The following DOCK3 variants were observed in gnomAD, a reference collection of about 807,000 sequenced individuals.
The protein encoded by DOCK3 is dedicator of cytokinesis protein 3.
DOCK3 carries 60 observed loss-of-function variants against 265.6 expected under a neutral mutation model. The observed-to-expected ratio is 0.23, with a 90% CI of 0.18 to 0.28. DOCK3 has a LOEUF of 0.28. DOCK3 is among the 10% of genes least tolerant of loss of function. The probability of loss-of-function intolerance (pLI) is 1.00; values close to 1 mark genes in which losing one functional copy is unlikely to be tolerated. For missense variants in DOCK3, 1,981 were observed against 2,594.3 expected (o/e 0.76, Z 5.14); for synonymous variants, 881 against 938.0 (o/e 0.94, Z 1.11).
chr3:51,111,293 C>G (rs996703134), intron 9 of DOCK3, among the ~76,000 whole-genome samples: 2 of 151,994 alleles, frequency 1.3e-5, no homozygotes, highest in East Asian at 3.9e-4. Flanking sequence ...CATCATGCTA[C>G]TCTACTTTGT....
chr3:51,129,945 T>G (rs2084445225), intron 9 of DOCK3, among the ~76,000 whole-genome samples: 1 of 152,180 alleles, frequency 6.6e-6, no homozygotes, highest in Admixed American at 6.5e-5. Context: ...TGTGCCGGAG[T>G]AACACACCCA....
intron 12 of DOCK3, among the ~76,000 whole-genome samples, chr3:51,204,011 A>T (rs2088996314): frequency 6.6e-6 from 1 of 151,820 alleles, no homozygotes; most frequent in Admixed American, 6.6e-5. Flanking sequence ...TACAAAAATC[A>T]ATTCAAGATG....
chr3:51,038,239 T>A (rs975603626), intron 5 of DOCK3, among the ~76,000 whole-genome samples: 2 of 152,178 alleles, frequency 1.3e-5, no homozygotes, highest in African/African-American at 2.4e-5. Context: ...GTATAGGGTA[T>A]ATATGGTAGG....
intron 3 of DOCK3, among the ~76,000 whole-genome samples, chr3:50,872,410 C>T (rs138409630): frequency 1 from 152,333 of 152,376 alleles, 76,146 homozygotes; most frequent in Middle Eastern, 1. Flanking sequence ...CTCTCTGTTT[C>T]GAGTCACCTG....
At chr3:51,264,933 T>C (rs971849058) in intron 23 of DOCK3, among the ~76,000 whole-genome samples, 6 of 151,764 alleles carry the variant, frequency 4.0e-5, no homozygotes, top group African/African-American at 1.5e-4. Context: ...TTGAAAAGAT[T>C]AACAAAATAG....
rs35307667 is a variant in DOCK3, at chr3:51,307,832, C to T, written c.2923-2400C>T. Among the ~76,000 whole-genome samples the T allele has an allele frequency of 2.5e-3, 373 of 151,066 alleles. 1 individual carries two copies. The highest frequency in any genetic ancestry group is 4.2e-3 in the Non-Finnish European group (285 of 67,890). On this transcript the variant is annotated intron_variant, in intron 27 of 52. Transcript: ENST00000266037. Reference sequence around the variant, plus strand: ...TTTTTTAGCCATTCTCTGGTTTGCCCGAAATGACATGGCTGCTTCATGCAG... The same window carrying T: ...TTTTTTAGCCATTCTCTGGTTTGCCTGAAATGACATGGCTGCTTCATGCAG...
intron 3 of DOCK3, among the ~76,000 whole-genome samples, chr3:50,883,315 C>G (rs539697835): frequency 1.3e-5 from 2 of 151,938 alleles, no homozygotes; most frequent in Non-Finnish European, 2.9e-5. Flanking sequence ...AATAATCACG[C>G]ACAAGGAGAA....
intron 33 of DOCK3, 84 bp from the exon 34 acceptor site, chr3:51,332,917 G>C: frequency 6.3e-7 from 1 of 1,579,024 alleles, no homozygotes; most frequent in Middle Eastern, 1.7e-4. Flanking sequence ...TTAGGAACTT[G>C]TACATGGAAA....
At chr3:51,332,836 G>A (rs1344941370) in intron 33 of DOCK3, among the ~76,000 whole-genome samples, 165 bp from the exon 34 acceptor site, 1 of 152,206 alleles carries the variant, frequency 6.6e-6, no homozygotes, top group Non-Finnish European at 1.5e-5. Context: ...GAACAGAAGA[G>A]AAGTGAGTTA....
chr3:50,962,718 A>C (rs79610084), intron 5 of DOCK3, among the ~76,000 whole-genome samples: 2 of 144,372 alleles, frequency 1.4e-5, no homozygotes, highest in East Asian at 4.0e-4. Context: ...ACTCTTTTTT[A>C]TTTTTTCTTC....
chr3:51,046,072 A>T (rs1031443712), intron 5 of DOCK3, among the ~76,000 whole-genome samples: 5 of 152,252 alleles, frequency 3.3e-5, no homozygotes, highest in Admixed American at 1.3e-4. Context: ...AATGGTAACC[A>T]CAAAGAAAAA....
At chr3:50,715,517 C>T (rs2037051297) in intron 1 of DOCK3, among the ~76,000 whole-genome samples, 2 of 152,136 alleles carry the variant, frequency 1.3e-5, no homozygotes, top group South Asian at 4.2e-4. Context: ...TGCCACTGCA[C>T]TGCAGCCTGG....
chr3:51,049,828 C>CACA (rs1491418779), intron 5 of DOCK3, among the ~76,000 whole-genome samples: 28 of 143,042 alleles, frequency 2.0e-4, no homozygotes, highest in African/African-American at 7.1e-4. Flanking sequence ...CACACACACA[C>CACA]CCCAAAAAAA....
In DOCK3 at chr3:51,174,059, T is replaced by A. The variant is rs192655144; in HGVS notation, c.1037+13357T>A. Among the ~76,000 whole-genome samples, 7 of 152,324 alleles carry A rather than the reference T, an allele frequency of 4.6e-5. No individual in the cohort carries two copies. In the East Asian group the frequency reaches 1.2e-3, roughly 25 times the overall value. On this transcript the variant is annotated intron_variant, in intron 12 of 52. Transcript: ENST00000266037. ...TCACTAATTCTTTATTCTGCATGAT[T>A]GAGTCTGCTGTCGAAGCTTTCTGTT...
chr3:51,250,143 C>G (rs1462668882), intron 22 of DOCK3, among the ~76,000 whole-genome samples: 1 of 151,666 alleles, frequency 6.6e-6, no homozygotes, highest in Admixed American at 6.6e-5. Context: ...TGCGGAAGGC[C>G]GCAGGGTCCT....
At chr3:51,220,473 A>G (rs2108293839) in intron 14 of DOCK3, among the ~76,000 whole-genome samples, 1 of 152,032 alleles carries the variant, frequency 6.6e-6, no homozygotes, top group African/African-American at 2.4e-5. Context: ...CCTGGCCAAC[A>G]TGGTGAAACC....
At chr3:50,683,694 G>A (rs1348370532) in intron 1 of DOCK3, among the ~76,000 whole-genome samples, 2 of 152,168 alleles carry the variant, frequency 1.3e-5, no homozygotes, top group South Asian at 2.1e-4. Flanking sequence ...CATGGGGAGT[G>A]AGAAAGAAAT....
At chr3:50,749,909 C>G (rs939973553) in intron 1 of DOCK3, among the ~76,000 whole-genome samples, 12 of 152,160 alleles carry the variant, frequency 7.9e-5, no homozygotes, top group Non-Finnish European at 1.3e-4. Context: ...CCATTATACA[C>G]TCTGGCCTTT....
chr3:51,233,358 C>CTATCTATTTATTTATT (rs1553803193), intron 19 of DOCK3, among the ~76,000 whole-genome samples: 1 of 61,080 alleles, frequency 1.6e-5, no homozygotes, highest in African/African-American at 3.0e-5. Context: ...ATCTATCTAT[C>CTATCTATTTATTTATT]TATTTATTTA....
Sources: gnomAD v4.1 joint callset for allele counts (sites outside exome capture counted in the v4.1 genomes callset) on GRCh38, gnomAD v4.1.1 for gene constraint, MANE v1.5 for transcripts, NCBI Gene and HGNC (gene_info 2026-07-23, HGNC 2026-07-21) for gene names.